The following OR3A2 variants were observed in gnomAD, a reference collection of about 807,000 sequenced individuals.
OR3A2 encodes the protein olfactory receptor family 3 subfamily A member 2, also known as olfactory receptor 3A2.
For missense variants in OR3A2, 318 were observed against 392.8 expected, an observed-to-expected ratio of 0.81 and a Z score of 1.61; for synonymous variants, 126 against 159.3, an observed-to-expected ratio of 0.79 and a Z score of 1.57.
At chr17:3,364,375 C>T (rs2049545476) in intron 2 of OR3A2, among the ~76,000 whole-genome samples, 1 of 152,124 alleles carries the variant, frequency 6.6e-6, no homozygotes, top group South Asian at 2.1e-4. Context: ...TCTCTTTTAG[C>T]TATTTTGAAA....
At chr17:3,359,855 A>G (rs931523881) in intron 2 of OR3A2, among the ~76,000 whole-genome samples, 25 of 151,724 alleles carry the variant, frequency 1.6e-4, no homozygotes, top group Non-Finnish European at 2.8e-4. Flanking sequence ...AGTCTTTGCT[A>G]TTGTGAGTAG....
In OR3A2 at chr17:3,307,142, T is replaced by C. The variant is rs550466349; in HGVS notation, c.-84-27989A>G. On this transcript the variant is annotated intron_variant, in intron 3 of 4. Coordinates refer to the OR3A2 transcript ENST00000573491. ...TGCATGTACTGCCTTTGGATTGCTA[T>C]GGGAAGACAGAGGAAGGCCTCCTAG... 4.6e-5 allele frequency among the ~76,000 whole-genome samples: 7 copies of C among 152,194 alleles called. No individual in the cohort carries two copies. In the South Asian group the frequency reaches 1.0e-3, roughly 22 times the overall value.
At chr17:3,321,045 T>C (rs1380868367) in intron 3 of OR3A2, among the ~76,000 whole-genome samples, 33 of 152,156 alleles carry the variant, frequency 2.2e-4, no homozygotes. Flanking sequence ...TGTATCCTCT[T>C]TTATTTCATT....
rs369812939 is a variant in OR3A2 at position 3,370,820 on chromosome 17, T to C, written c.-179+12984A>G. ...CTGGGTACTTGAGATTAGGGAGTGG[T>C]GATGACTCTTAACGAGCATGCTGCC... On this transcript the variant is annotated intron_variant, in intron 2 of 4. Coordinates refer to the OR3A2 transcript ENST00000573491. Among the ~76,000 whole-genome samples, 445 of 151,664 alleles carry C rather than the reference T, an allele frequency of 2.9e-3. 1 individual carries two copies. Among genetic ancestry groups the C allele is most frequent in the Middle Eastern group, 0.017 (5 of 292 alleles).
exon 2 of OR3A2, chr17:3,278,128 T>G: frequency 6.2e-7 from 1 of 1,614,230 alleles, no homozygotes; most frequent in Non-Finnish European, 8.5e-7. Flanking sequence ...GAACCCAGTC[T>G]CATGTAGTTG....
intron 3 of OR3A2, among the ~76,000 whole-genome samples, chr17:3,326,753 T>C (rs1443106635): frequency 7.4e-6 from 1 of 134,742 alleles, no homozygotes; most frequent in African/African-American, 2.8e-5. Context: ...CCTTCCTGTG[T>C]CCATGTGATC....
intron 2 of OR3A2, among the ~76,000 whole-genome samples, chr17:3,345,824 T>C (rs2049359574): frequency 6.6e-6 from 1 of 152,068 alleles, no homozygotes; most frequent in Non-Finnish European, 1.5e-5. Context: ...TTCCAAAAAT[T>C]GAATAAAGTA....
At chr17:3,312,296 T>A (rs1196094074) in intron 3 of OR3A2, among the ~76,000 whole-genome samples, 1 of 152,148 alleles carries the variant, frequency 6.6e-6, no homozygotes, top group Non-Finnish European at 1.5e-5. Context: ...AGCAAAACTA[T>A]ATTTGTATTC....
intron 1 of OR3A2, among the ~76,000 whole-genome samples, chr17:3,280,547 C>T (rs147621740): frequency 0.019 from 2,894 of 152,306 alleles, 98 homozygotes; most frequent in African/African-American, 0.065. Flanking sequence ...GCTGGGATTA[C>T]AGGCGTGAGG....
intron 2 of OR3A2, among the ~76,000 whole-genome samples, chr17:3,340,510 T>TTG (rs1292358092): frequency 6.6e-6 from 1 of 152,254 alleles, no homozygotes; most frequent in African/African-American, 2.4e-5. Flanking sequence ...TATTTCTGCC[T>TTG]TCATTTCATG....
At chr17:3,329,091 T>C (rs141394922) in intron 3 of OR3A2, among the ~76,000 whole-genome samples, 12,970 of 151,636 alleles carry the variant, frequency 0.086, 1,078 homozygotes, top group East Asian at 0.48. Context: ...TGCTTTTTGA[T>C]GTGCTGCTGG....
chr17:3,370,460 T>C lies in OR3A2; in HGVS notation c.-179+13344A>G, dbSNP rs1350035913. ...AGAATGGTCTATCAATTTCTTTATC[T>C]TGTCAAAGAACCAGCTTTTTGTTTC... On this transcript the variant is annotated intron_variant, in intron 2 of 4. Transcript: ENST00000573491. Among the ~76,000 whole-genome samples, 8 of 152,328 alleles carry C rather than the reference T, an allele frequency of 5.3e-5. No individual in the cohort carries two copies. In the East Asian group the frequency reaches 1.5e-3, roughly 29 times the overall value.
At chr17:3,303,934 T>TTTTA (rs1555525728) in intron 3 of OR3A2, among the ~76,000 whole-genome samples, 1 of 144,518 alleles carries the variant, frequency 6.9e-6, no homozygotes, top group Non-Finnish European at 1.5e-5. Context: ...AATATATATA[T>TTTTA]TATATATATA....
At chr17:3,373,692 G>A (rs561702100) in intron 2 of OR3A2, among the ~76,000 whole-genome samples, 2 of 152,008 alleles carry the variant, frequency 1.3e-5, no homozygotes, top group South Asian at 2.1e-4. Context: ...GTCCTTATGC[G>A]TTAGGTGAGC....
chr17:3,314,568 G>A (rs1691312772), intron 3 of OR3A2, among the ~76,000 whole-genome samples: 1 of 152,180 alleles, frequency 6.6e-6, no homozygotes, highest in Non-Finnish European at 1.5e-5. Flanking sequence ...CCTCTGTGGA[G>A]GGAATAGGAC....
intron 3 of OR3A2, among the ~76,000 whole-genome samples, chr17:3,315,115 C>T (rs538830147): frequency 1.3e-5 from 2 of 152,228 alleles, no homozygotes; most frequent in Admixed American, 6.5e-5. Flanking sequence ...GATTCCATGT[C>T]TTTGCTATTG....
chr17:3,371,461 G>A (rs1322349861), intron 2 of OR3A2, among the ~76,000 whole-genome samples: 16 of 144,792 alleles, frequency 1.1e-4, no homozygotes, highest in South Asian at 4.4e-4. Context: ...GTGGCTGGCT[G>A]GGCGGGGGGC....
chr17:3,319,398 T>G (rs765532503), intron 3 of OR3A2, among the ~76,000 whole-genome samples: 10 of 152,144 alleles, frequency 6.6e-5, no homozygotes, highest in African/African-American at 9.7e-5. Flanking sequence ...TATTATACTT[T>G]AAGTTTTAGG....
chr17:3,353,039 T>C (rs2049432899), intron 2 of OR3A2, among the ~76,000 whole-genome samples: 1 of 151,814 alleles, frequency 6.6e-6, no homozygotes, highest in South Asian at 2.1e-4. Context: ...TTCAGATTGT[T>C]CACTGTTAGC....
Sources: allele counts gnomAD v4.1 joint callset (sites outside exome capture counted in the v4.1 genomes callset), GRCh38; gene constraint gnomAD v4.1.1; transcripts MANE v1.5; gene names NCBI Gene and HGNC (gene_info 2026-07-23, HGNC 2026-07-21).